The following FBXL5 variants were observed in gnomAD, a reference collection of about 807,000 sequenced individuals.
FBXL5 encodes F-box and leucine rich repeat protein 5, also known as F-box/LRR-repeat protein 5.
Under a neutral mutation model 78.3 loss-of-function variants are expected in FBXL5, and 26 were observed. The observed-to-expected ratio is 0.33, with a 90% CI of 0.24 to 0.46. The LOEUF (loss-of-function observed/expected upper bound fraction) is 0.46. FBXL5 is among the 20% of genes least tolerant of loss of function. The pLI, the probability that FBXL5 is intolerant of heterozygous loss-of-function variation, is 1.00. For synonymous variants in FBXL5, 295 were observed against 282.5 expected (o/e 1.04, Z -0.45); for missense variants, 710 against 829.2 (o/e 0.86, Z 1.77).
chr4:15,625,243 A>T lies in FBXL5; in HGVS notation c.1850+9T>A. The stretch of plus-strand genomic sequence containing the variant: ...TCTATTTCTTAATATTCTGGAACTG[A>T]TAACTCACCTGAGACCATGGTCTGT... On this transcript the variant is annotated intron_variant, in intron 9 of 10. Coordinates refer to ENST00000341285, the MANE Select transcript of FBXL5 (RefSeq NM_012161.4). 1 of 1,575,010 alleles carries T rather than the reference A, an allele frequency of 6.3e-7. No homozygotes were observed.
rs188844140 is a variant in FBXL5 at position 15,669,610 on chromosome 4, C to G, written c.-283-9688G>C. On this transcript the variant is annotated intron_variant, in intron 1 of 4. Transcript: ENST00000507899. Reference sequence around the variant, plus strand: ...AATGATAATAAATACTCCCCTTTTACCCAATACTTGGCTTCAATGATCATC... The same window carrying G: ...AATGATAATAAATACTCCCCTTTTAGCCAATACTTGGCTTCAATGATCATC... 9.5e-4 allele frequency among the ~76,000 whole-genome samples: 145 copies of G among 152,230 alleles called. 1 individual carries two copies. In the East Asian group the frequency reaches 0.026, roughly 27 times the overall value.
chr4:15,673,308 AC>A (rs1717840939), intron 1 of FBXL5, among the ~76,000 whole-genome samples: 2 of 151,914 alleles, frequency 1.3e-5, no homozygotes, highest in Admixed American at 6.6e-5. Context: ...GGGTGTGTTG[AC>A]CCGTGCCTGT....
At chr4:15,674,699 G>C (rs186008729) in intron 1 of FBXL5, among the ~76,000 whole-genome samples, 1 of 151,326 alleles carries the variant, frequency 6.6e-6, no homozygotes, top group African/African-American at 2.4e-5. Context: ...GCCCAGGCTG[G>C]AGTGCAGTGA....
At chr4:15,614,529 C>T (rs1711572084) in intron 9 of FBXL5, among the ~76,000 whole-genome samples, 1 of 152,132 alleles carries the variant, frequency 6.6e-6, no homozygotes, top group Admixed American at 6.5e-5. Context: ...GGCCATAGAG[C>T]TCCCAAGAGA....
chr4:15,613,602 T>C (rs189640794), intron 9 of FBXL5, among the ~76,000 whole-genome samples: 78 of 152,042 alleles, frequency 5.1e-4, no homozygotes, highest in African/African-American at 1.8e-3. Flanking sequence ...CTCAAACTTC[T>C]TGGAAGCTTT....
At chr4:15,669,627 A>G (rs752298917) in intron 1 of FBXL5, among the ~76,000 whole-genome samples, 19 of 152,322 alleles carry the variant, frequency 1.2e-4, no homozygotes, top group Non-Finnish European at 2.4e-4. Context: ...CTTGGCTTCA[A>G]TGATCATCAA....
chr4:15,668,509 G>A (rs544555448), intron 1 of FBXL5, among the ~76,000 whole-genome samples: 10 of 150,714 alleles, frequency 6.6e-5, no homozygotes, highest in African/African-American at 2.4e-4. Context: ...CTTGGTTTTT[G>A]TATTGTTCTT....
chr4:15,650,794 A>G (rs930509137), intron 1 of FBXL5, among the ~76,000 whole-genome samples: 12 of 149,044 alleles, frequency 8.1e-5, no homozygotes, highest in African/African-American at 3.0e-4. Flanking sequence ...CACCATGCCC[A>G]GCTAATTTTT....
At chr4:15,616,502 C>T (rs1484320679) in intron 9 of FBXL5, among the ~76,000 whole-genome samples, 1 of 152,226 alleles carries the variant, frequency 6.6e-6, no homozygotes. Flanking sequence ...TTCATGCCTG[C>T]CCATCTGCCA....
chr4:15,645,677 T>C (rs1715280454), intron 1 of FBXL5, among the ~76,000 whole-genome samples: 1 of 152,140 alleles, frequency 6.6e-6, no homozygotes, highest in African/African-American at 2.4e-5. Context: ...TCCACCCGCC[T>C]CGGCCTCCCA....
intron 9 of FBXL5, among the ~76,000 whole-genome samples, chr4:15,617,732 T>C (rs982161653): frequency 3.9e-5 from 6 of 152,134 alleles, no homozygotes; most frequent in Non-Finnish European, 8.8e-5. Context: ...CCGCATGTTC[T>C]CACTTATAAG....
chr4:15,638,990 C>T (rs752068049), intron 3 of FBXL5, among the ~76,000 whole-genome samples: 2 of 152,106 alleles, frequency 1.3e-5, no homozygotes, highest in Admixed American at 6.5e-5. Context: ...CATAGAAAAA[C>T]GCCATCTCTA....
At position 15,605,524 on chromosome 4, in the gene FBXL5, C is replaced by T. The variant is rs1721827488; in HGVS notation, c.*199G>A. The T allele has an allele frequency of 1.9e-6, 1 of 539,566 alleles. No homozygotes were observed. Among genetic ancestry groups the T allele is most frequent in the Admixed American group, 3.4e-5 (1 of 29,574 alleles). The allele number at this position is 539,566 out of a possible 1,614,324, so 33.4% of individuals were successfully genotyped here. Reference sequence around the variant, plus strand: ...CCTTTTGAAAAGACCTAATCCCTTTCTAAACCAAAAGTATAATTTGCAAGA... The same window carrying T: ...CCTTTTGAAAAGACCTAATCCCTTTTTAAACCAAAAGTATAATTTGCAAGA... On this transcript the variant is annotated 3_prime_UTR_variant, in exon 11 of 11. Coordinates refer to ENST00000341285, the MANE Select transcript of FBXL5 (RefSeq NM_012161.4).
rs1484085746 is a variant in FBXL5, at chr4:15,655,279, G to C, written c.9C>G (p.Pro3=). 7 of 1,429,726 alleles carry C rather than the reference G, an allele frequency of 4.9e-6. No individual in the cohort carries two copies. The highest frequency in any genetic ancestry group is 2.2e-5 in the Admixed American group (1 of 44,888). The allele number at this position is 1,429,726 out of a possible 1,614,324, so 88.6% of individuals were successfully genotyped here. A position where few individuals can be genotyped will look rare whatever the true frequency, so the allele number is the denominator to read the frequency against. ...TGAAGACGTCCACTTCTTCAGGAAA[G>C]GGCGCCATCGCCACTGCCTCAGCCT... The part of the protein sequence containing the change: MA[P]FPEEVDVFTA... Residue 3 remains proline (P), a synonymous_variant, in exon 1 of 11, where the codon CCC becomes CCG. Coordinates refer to ENST00000341285, the MANE Select transcript of FBXL5 (RefSeq NM_012161.4).
At chr4:15,637,960 T>C (rs1714459257) in intron 4 of FBXL5, among the ~76,000 whole-genome samples, 1 of 148,626 alleles carries the variant, frequency 6.7e-6, no homozygotes, top group South Asian at 2.1e-4. Context: ...ATTCTCAGAG[T>C]AACAATACAG....
intron 1 of FBXL5, 119 bp from the exon 2 acceptor site, chr4:15,644,827 A>T: frequency 1.5e-6 from 1 of 667,828 alleles, no homozygotes; most frequent in Non-Finnish European, 2.5e-6. Flanking sequence ...ACACTTGGTT[A>T]AAGTACAAAT....
chr4:15,627,710 T>C (rs1489378205), intron 7 of FBXL5, among the ~76,000 whole-genome samples, 175 bp downstream of exon 7: 2 of 152,218 alleles, frequency 1.3e-5, no homozygotes, highest in South Asian at 2.1e-4. Flanking sequence ...ACAAAGATTG[T>C]TGTGAGAACT....
At chr4:15,662,953 T>C (rs1210257727), upstream of FBXL5, among the ~76,000 whole-genome samples, 1 of 152,154 alleles carries the variant, frequency 6.6e-6, no homozygotes, top group Admixed American at 6.5e-5. Context: ...CATAAAACAA[T>C]AGAGCATATT....
chr4:15,620,104 A>C (rs913483802), intron 9 of FBXL5, among the ~76,000 whole-genome samples: 5 of 152,148 alleles, frequency 3.3e-5, no homozygotes, highest in South Asian at 2.1e-4. Context: ...AAAGATAAAG[A>C]GTCGACACAC....
Sources: allele counts gnomAD v4.1 joint callset (sites outside exome capture counted in the v4.1 genomes callset), GRCh38; gene constraint gnomAD v4.1.1; transcripts MANE v1.5; gene names NCBI Gene and HGNC (gene_info 2026-07-23, HGNC 2026-07-21).